AFAP1L2: variants seen among roughly 807,000 people sequenced by gnomAD.
AFAP1L2 encodes the protein actin filament-associated protein 1-like 2.
A neutral mutation model predicts 99.3 loss-of-function variants in AFAP1L2; 46 were observed. The observed-to-expected ratio is 0.46, with a 90% confidence interval of 0.37 to 0.59. The LOEUF (loss-of-function observed/expected upper bound fraction) is 0.59. AFAP1L2 is among the 20% of genes least tolerant of loss of function. AFAP1L2 has a pLI of 0.00. For synonymous variants in AFAP1L2, 397 were observed against 419.1 expected (o/e 0.95, Z 0.64); for missense variants, 959 against 1,034.9 (o/e 0.93, Z 1.01).
At chr10:114,286,941 CAT>C in the AFAP1L2 span, among the ~76,000 whole-genome samples, 2 of 152,220 alleles carry the variant, frequency 1.3e-5, no homozygotes, top group Admixed American at 6.5e-5. Flanking sequence ...TGTATGCACA[CAT>C]ACACACACGG....
chr10:114,342,427 G>A (rs991985181), intron 1 of AFAP1L2, among the ~76,000 whole-genome samples: 31 of 152,154 alleles, frequency 2.0e-4, no homozygotes, highest in African/African-American at 7.5e-4. Flanking sequence ...CTAAATATTG[G>A]GCCCCTAATG....
At chr10:114,345,851 G>A (rs537971682) in intron 1 of AFAP1L2, among the ~76,000 whole-genome samples, 104 of 152,286 alleles carry the variant, frequency 6.8e-4, no homozygotes, top group African/African-American at 2.2e-3. Flanking sequence ...AGGACCTGCC[G>A]ATGTGGGCAC....
chr10:114,320,397 G>A (rs1590127692), intron 5 of AFAP1L2, among the ~76,000 whole-genome samples: 1 of 152,202 alleles, frequency 6.6e-6, no homozygotes, highest in Non-Finnish European at 1.5e-5. Context: ...GGGGCCCCAC[G>A]CCTATTCCTC....
At chr10:114,358,562 A>G (rs2051731734) in intron 1 of AFAP1L2, among the ~76,000 whole-genome samples, 1 of 152,126 alleles carries the variant, frequency 6.6e-6, no homozygotes, top group East Asian at 1.9e-4. Flanking sequence ...TCTTCTTTCA[A>G]TGACAAATAA....
the AFAP1L2 span, chr10:114,282,669 T>G: frequency 7.5e-6 from 8 of 1,066,324 alleles, no homozygotes; most frequent in South Asian, 1.0e-4. Flanking sequence ...AGGGTGGGGT[T>G]GTGACTGGCT....
At chr10:114,367,559 C>T (rs1485685251) in intron 1 of AFAP1L2, among the ~76,000 whole-genome samples, 1 of 152,132 alleles carries the variant, frequency 6.6e-6, no homozygotes, top group African/African-American at 2.4e-5. Flanking sequence ...AGAAACTGAC[C>T]AATAATGAGT....
chr10:114,310,863 A>G (rs2134495177), intron 7 of AFAP1L2, among the ~76,000 whole-genome samples: 1 of 151,928 alleles, frequency 6.6e-6, no homozygotes, highest in Admixed American at 6.6e-5. Flanking sequence ...AGGTCATGCA[A>G]CTCTCTGTGG....
the AFAP1L2 span, chr10:114,286,281 G>A: frequency 1.2e-6 from 2 of 1,610,668 alleles, no homozygotes; most frequent in South Asian, 1.1e-5. Context: ...CGGCCACGTA[G>A]AGTGGTGGTT....
intron 5 of AFAP1L2, among the ~76,000 whole-genome samples, chr10:114,317,255 T>C (rs988731648): frequency 2.0e-5 from 3 of 146,752 alleles, no homozygotes; most frequent in African/African-American, 7.4e-5. Flanking sequence ...CCAGTGAAAA[T>C]GTGTTTTAAT....
At chr10:114,286,151 C>G in the AFAP1L2 span, 1 of 1,614,100 alleles carries the variant, frequency 6.2e-7, no homozygotes, top group Non-Finnish European at 8.5e-7. Context: ...CCAGGATGTG[C>G]CTGACCTGGT....
chr10:114,318,739 T>TAAAAAAAAAAAAAAA (rs1354030131), intron 5 of AFAP1L2, among the ~76,000 whole-genome samples: 1 of 91,034 alleles, frequency 1.1e-5, no homozygotes, highest in Non-Finnish European at 2.3e-5. Context: ...AGACTCTGTC[T>TAAAAAAAAAAAAAAA]AAAAAAAAGA....
At chr10:114,395,799 C>G (rs1275100035) in intron 1 of AFAP1L2, among the ~76,000 whole-genome samples, 1 of 149,618 alleles carries the variant, frequency 6.7e-6, no homozygotes, top group East Asian at 1.9e-4. Context: ...CACTCATAAG[C>G]TCCCAGCTTC....
chr10:114,290,208 C>G, downstream of AFAP1L2: 1 of 1,549,130 alleles, frequency 6.5e-7, no homozygotes, highest in Non-Finnish European at 8.7e-7. Flanking sequence ...CATGCCTGGC[C>G]GGCCTGGTGG....
chr10:114,355,121 G>C (rs2051124295), intron 1 of AFAP1L2, among the ~76,000 whole-genome samples: 1 of 152,206 alleles, frequency 6.6e-6, no homozygotes, highest in African/African-American at 2.4e-5. Context: ...AAGTGCTGAT[G>C]ATGGCCAACA....
chr10:114,334,849 G>C (rs150616104), intron 2 of AFAP1L2, among the ~76,000 whole-genome samples: 1 of 152,240 alleles, frequency 6.6e-6, no homozygotes, highest in Admixed American at 6.5e-5. Context: ...AAGCTTTGCC[G>C]TAACGGCATC....
the AFAP1L2 span, among the ~76,000 whole-genome samples, chr10:114,288,133 A>G: frequency 6.6e-6 from 1 of 152,172 alleles, no homozygotes; most frequent in Non-Finnish European, 1.5e-5. Flanking sequence ...TGGTCCCCAC[A>G]GGCCTCTCTG....
At chr10:114,337,282 A>T (rs1369182019) in intron 2 of AFAP1L2, among the ~76,000 whole-genome samples, 1 of 152,230 alleles carries the variant, frequency 6.6e-6, no homozygotes, top group Non-Finnish European at 1.5e-5. Flanking sequence ...CTTGTTGGTA[A>T]AAAGGGAATA....
chr10:114,286,313 G>A, the AFAP1L2 span: 31 of 1,612,144 alleles, frequency 1.9e-5, no homozygotes, highest in South Asian at 1.4e-4. Flanking sequence ...GTCACACTCC[G>A]AGGATGAGGT....
At chr10:114,324,665 C>T (rs1288983012) in intron 4 of AFAP1L2, among the ~76,000 whole-genome samples, 3 of 152,224 alleles carry the variant, frequency 2.0e-5, no homozygotes, top group Non-Finnish European at 4.4e-5. Context: ...CCTTGTGCTG[C>T]GCCCTCCGCG....
Sources: allele counts gnomAD v4.1 joint callset (sites outside exome capture counted in the v4.1 genomes callset), GRCh38; gene constraint gnomAD v4.1.1; transcripts MANE v1.5; gene names NCBI Gene and HGNC (gene_info 2026-07-23, HGNC 2026-07-21).